ANKRD11: variants seen among roughly 807,000 people sequenced by gnomAD.
ANKRD11 encodes ankyrin repeat domain 11.
Under a neutral mutation model 195.7 loss-of-function variants are expected in ANKRD11, and 17 were observed. The ratio of observed to expected loss-of-function variants is 0.09; its 90% CI spans 0.06 to 0.13. The LOEUF is 0.13. ANKRD11 is among the 10% of genes least tolerant of loss of function. ANKRD11 has a pLI of 1.00. For missense variants in ANKRD11, 3,735 were observed against 3,566.1 expected, an observed-to-expected ratio of 1.05 and a Z score of -1.21; for synonymous variants, 1,953 against 1,528.1, an observed-to-expected ratio of 1.28 and a Z score of -6.49.
chr16:89,485,566 C>A (rs1323002548), intron 1 of ANKRD11, among the ~76,000 whole-genome samples: 1 of 152,112 alleles, frequency 6.6e-6, no homozygotes, highest in Non-Finnish European at 1.5e-5. Flanking sequence ...AACCAGTTCC[C>A]CTCCACCAAA....
At chr16:89,276,297 C>T (rs1415440222) in intron 9 of ANKRD11, among the ~76,000 whole-genome samples, 3 of 152,214 alleles carry the variant, frequency 2.0e-5, no homozygotes, top group Admixed American at 6.5e-5. Flanking sequence ...ACAGGCCCAG[C>T]GCACAGGAGT....
At position 89,280,369 on chromosome 16, in the gene ANKRD11, G is replaced by A. The variant is rs749785439; in HGVS notation, c.6173C>T (p.Pro2058Leu). The A allele has an allele frequency of 6.4e-7, 1 of 1,560,444 alleles. No homozygotes were observed. The highest frequency in any genetic ancestry group is 8.7e-7 in the Non-Finnish European group (1 of 1,154,478). Residue 2058 changes from proline (P) to leucine (L), a missense_variant, in exon 9 of 13, where the codon CCT becomes CTT. By Grantham distance (98) the Pro-to-Leu change is moderately conservative. Coordinates refer to ENST00000301030, the MANE Select transcript of ANKRD11 (RefSeq NM_013275.6). ...ISTSEAAPYA[P>L]PSGLESFFSN... ...GAAGAAGGACTCCAGCCCGGAGGGA[G>A]GGGCGTAGGGAGCCGCCTCTGAGGT... is the stretch of plus-strand genomic sequence containing the variant.
chr16:89,271,229 T>G, intron 11 of ANKRD11: 7 of 383,232 alleles, frequency 1.8e-5, no homozygotes, highest in Non-Finnish European at 2.4e-5. Context: ...TGCCAACTCC[T>G]GGGAGAGACT....
Position 89,273,516 on chromosome 16 carries a change from G to T in ANKRD11, c.7713+1298C>A, listed in dbSNP as rs540660737. Among the ~76,000 whole-genome samples, 6 of 152,186 alleles carry T rather than the reference G, an allele frequency of 3.9e-5. No homozygotes were observed. The East Asian group carries it at 9.7e-4, about 25-fold the overall frequency. ...AGAGATCGAGACCATCCTGGACATG[G>T]TGACACCCCGTCTCCACTAAAAATA... is the stretch of plus-strand genomic sequence containing the variant. On this transcript the variant is annotated intron_variant, in intron 11 of 12. Transcript: ENST00000301030.
At chr16:89,397,943 T>G (rs1453147874) in intron 2 of ANKRD11, among the ~76,000 whole-genome samples, 1 of 152,226 alleles carries the variant, frequency 6.6e-6, no homozygotes, top group Non-Finnish European at 1.5e-5. Context: ...CCTCAGACAC[T>G]GATCTCCTGT....
At chr16:89,428,376 A>T (rs1448514972) in intron 1 of ANKRD11, among the ~76,000 whole-genome samples, 1 of 151,346 alleles carries the variant, frequency 6.6e-6, no homozygotes, top group African/African-American at 2.4e-5. Context: ...ATACAAAAAA[A>T]TTAGCCAAGC....
Position 89,290,246 on chromosome 16 carries a change from G to C in ANKRD11, c.601+379C>G, listed in dbSNP as rs983952598. On this transcript the variant is annotated intron_variant, in intron 6 of 12. Transcript: ENST00000301030. ...AATGGGGGAGGCTCAGGGCTCCAGC[G>C]GGGGGTAGGCTCAGGGCTCCAATGG... Among the ~76,000 whole-genome samples the C allele has an allele frequency of 1.2e-3, 32 of 25,674 alleles. 1 individual carries two copies. Among genetic ancestry groups the C allele is most frequent in the African/African-American group, 2.9e-3 (31 of 10,752 alleles). The allele number at this position is 25,674 out of a possible 152,430, so 16.8% of individuals were successfully genotyped here.
chr16:89,391,110 C>A (rs1238572729), intron 2 of ANKRD11, among the ~76,000 whole-genome samples: 2 of 151,726 alleles, frequency 1.3e-5, no homozygotes, highest in African/African-American at 4.8e-5. Context: ...CGCCTGTAGT[C>A]CCAGCTACTC....
chr16:89,398,357 G>A (rs866588352), intron 2 of ANKRD11, among the ~76,000 whole-genome samples: 10 of 83,258 alleles, frequency 1.2e-4, no homozygotes, highest in African/African-American at 3.9e-4. Context: ...AGCACTCTAG[G>A]AGGCTGACAT....
At chr16:89,416,700 C>T (rs2042324289) in intron 2 of ANKRD11, among the ~76,000 whole-genome samples, 1 of 149,130 alleles carries the variant, frequency 6.7e-6, no homozygotes, top group African/African-American at 2.5e-5. Flanking sequence ...GAGGCTGAGG[C>T]AGGAGGATTG....
intron 2 of ANKRD11, among the ~76,000 whole-genome samples, chr16:89,364,145 T>C (rs1399610947): frequency 6.6e-6 from 1 of 152,186 alleles, no homozygotes; most frequent in Non-Finnish European, 1.5e-5. Flanking sequence ...TTTCCAGCCC[T>C]GGAGCCTGGG....
chr16:89,480,071 A>G (rs1311253099), intron 1 of ANKRD11, among the ~76,000 whole-genome samples: 3 of 151,276 alleles, frequency 2.0e-5, no homozygotes, highest in Admixed American at 6.6e-5. Flanking sequence ...AGATCGTGTC[A>G]TTGCACTCCA....
chr16:89,290,434 GA>G, intron 6 of ANKRD11, among the ~76,000 whole-genome samples, 190 bp downstream of exon 6: 1 of 87,292 alleles, frequency 1.1e-5, no homozygotes, highest in Non-Finnish European at 2.5e-5. Flanking sequence ...CCAATGGGGG[GA>G]GGCTCAGGGC....
chr16:89,330,015 T>C (rs1181937176), intron 2 of ANKRD11, among the ~76,000 whole-genome samples: 1 of 151,472 alleles, frequency 6.6e-6, no homozygotes, highest in African/African-American at 2.4e-5. Context: ...TAAAATAAAA[T>C]AAAATAAAAT....
intron 1 of ANKRD11, among the ~76,000 whole-genome samples, chr16:89,480,746 ATC>A (rs1216703011): frequency 6.6e-6 from 1 of 152,126 alleles, no homozygotes; most frequent in African/African-American, 2.4e-5. Flanking sequence ...CTGACAAAAT[ATC>A]TGAGGGCAAA....
At chr16:89,271,085 C>A in intron 11 of ANKRD11, 176 bp from the exon 12 acceptor site, 1 of 675,582 alleles carries the variant, frequency 1.5e-6, no homozygotes, top group Non-Finnish European at 2.7e-6. Context: ...CCCTGCCCAT[C>A]TCCCTAAACA....
rs372802531 is a variant in ANKRD11 at position 89,407,193 on chromosome 16, T to TA, written c.-60+11090dup. Among the ~76,000 whole-genome samples the TA allele has an allele frequency of 7.2e-4, 86 of 119,874 alleles. 1 individual carries two copies. Among genetic ancestry groups the TA allele is most frequent in the South Asian group, 5.7e-3 (22 of 3,886 alleles). The allele number at this position is 119,874 out of a possible 152,430, so 78.6% of individuals were successfully genotyped here. ...AGAGCGAAACCCCGTCTCAAAAAGA[T>TA]AAAAAAAAAAGAACACGCAGACAGA... On this transcript the variant is annotated intron_variant, in intron 2 of 12. Coordinates refer to ENST00000301030, the MANE Select transcript of ANKRD11 (RefSeq NM_013275.6).
rs1356324058 is a variant in ANKRD11 at position 89,284,005 on chromosome 16, G to T, written c.2537C>A (p.Ser846Tyr). ...CCCTTTGAAATCAAAGGATGAATCG[G>T]ACAAGTCAGAAAACCACCGATCTCG... is the stretch of plus-strand genomic sequence containing the variant. Reference protein sequence around the residue: ...DQRDRWFSDLSDSSFDFKGED... With the variant: ...DQRDRWFSDLYDSSFDFKGED... Residue 846 changes from serine (S) to tyrosine (Y), a missense_variant, in exon 9 of 13, where the codon TCC (serine) becomes TAC (tyrosine). By Grantham distance (144) the Ser-to-Tyr change is moderately radical. Coordinates refer to ENST00000301030, the MANE Select transcript of ANKRD11 (RefSeq NM_013275.6). 2.5e-6 allele frequency: 4 copies of T among 1,614,056 alleles called. No individual in the cohort carries two copies. The highest frequency in any genetic ancestry group is 3.4e-6 in the Non-Finnish European group (4 of 1,180,028).
chr16:89,415,438 G>T (rs2042259574), intron 2 of ANKRD11, among the ~76,000 whole-genome samples: 1 of 149,916 alleles, frequency 6.7e-6, no homozygotes, highest in Non-Finnish European at 1.5e-5. Context: ...CTAATTTTTT[G>T]TATTTTTAGT....
Sources: allele counts gnomAD v4.1 joint callset (sites outside exome capture counted in the v4.1 genomes callset), GRCh38; gene constraint gnomAD v4.1.1; transcripts MANE v1.5; gene names NCBI Gene and HGNC (gene_info 2026-07-23, HGNC 2026-07-21).